PALD1: variants seen among roughly 807,000 people sequenced by gnomAD.
PALD1 encodes the protein paladin.
Under a neutral mutation model 96.0 loss-of-function variants are expected in PALD1, and 57 were observed. The observed-to-expected ratio is 0.59, with a 90% CI of 0.48 to 0.74. PALD1 has a LOEUF of 0.74. PALD1 is among the 30% of genes least tolerant of loss of function. The pLI is 0.00. For missense variants in PALD1, 1,063 were observed against 1,143.7 expected, an observed-to-expected ratio of 0.93 and a Z score of 1.02; for synonymous variants, 464 against 473.6, an observed-to-expected ratio of 0.98 and a Z score of 0.26.
chr10:70,517,240 G>A (rs796817304), intron 1 of PALD1, among the ~76,000 whole-genome samples: 5 of 152,166 alleles, frequency 3.3e-5, no homozygotes, highest in African/African-American at 9.7e-5. Context: ...AAGGTGTCAC[G>A]AGAGGAGAAC....
chr10:70,508,784 C>T (rs367593063), intron 1 of PALD1, among the ~76,000 whole-genome samples: 3 of 100,032 alleles, frequency 3.0e-5, no homozygotes, highest in Non-Finnish European at 6.2e-5. Flanking sequence ...CTCTGTATGG[C>T]GTGTGTGTGT....
chr10:70,483,780 A>C (rs191784791), intron 1 of PALD1, among the ~76,000 whole-genome samples: 12 of 152,304 alleles, frequency 7.9e-5, no homozygotes, highest in African/African-American at 2.9e-4. Context: ...GGAATGGAGA[A>C]TCTCCTGAAG....
chr10:70,488,909 C>A (rs549586171), intron 1 of PALD1, among the ~76,000 whole-genome samples: 12 of 151,012 alleles, frequency 7.9e-5, no homozygotes, highest in East Asian at 2.0e-4. Context: ...TATCCTCCTG[C>A]TGCTGGGGGT....
intron 18 of PALD1, among the ~76,000 whole-genome samples, chr10:70,555,902 G>A (rs577657719): frequency 6.6e-6 from 1 of 152,320 alleles, no homozygotes; most frequent in Non-Finnish European, 1.5e-5. Flanking sequence ...TTGGGAGGCT[G>A]AGGCAGGAGA....
the PALD1 span, among the ~76,000 whole-genome samples, chr10:70,461,886 T>C: frequency 1.3e-5 from 2 of 152,204 alleles, no homozygotes; most frequent in Admixed American, 1.3e-4. Flanking sequence ...TCAACCTCCC[T>C]GGCTCAAGCC....
intron 1 of PALD1, among the ~76,000 whole-genome samples, chr10:70,505,039 G>T (rs2132301441): frequency 6.6e-6 from 1 of 152,302 alleles, no homozygotes; most frequent in Middle Eastern, 3.4e-3. Flanking sequence ...GAAAATATTG[G>T]CCCTGTGTGT....
In PALD1 at chr10:70,494,899, C is replaced by G. The variant is rs145774334; in HGVS notation, c.-30+15840C>G. ...ACTGGCTTTCTTAAGCATGAAGCAG[C>G]ATTGGTTGCTGTATACAATGCAACA... On this transcript the variant is annotated intron_variant, in intron 1 of 19. Transcript: ENST00000263563. Among the ~76,000 whole-genome samples the G allele has an allele frequency of 2.0e-3, 301 of 152,316 alleles. 2 individuals are homozygous for G. Among genetic ancestry groups the G allele is most frequent in the African/African-American group, 6.8e-3 (283 of 41,578 alleles).
chr10:70,466,625 A>T, the PALD1 span, among the ~76,000 whole-genome samples: 3 of 152,224 alleles, frequency 2.0e-5, no homozygotes, highest in Non-Finnish European at 4.4e-5. Context: ...ATCCATCTCC[A>T]GAAGCTTTAC....
At chr10:70,505,603 TCAAAACAAAACAAAA>T (rs71472970) in intron 1 of PALD1, among the ~76,000 whole-genome samples, 5,665 of 149,952 alleles carry the variant, frequency 0.038, 226 homozygotes, top group African/African-American at 0.1. Context: ...AAACTCTGTC[TCAAAACAAAACAAAA>T]CAAAACAAAA....
chr10:70,552,273 G>A (rs1347483389), intron 18 of PALD1, among the ~76,000 whole-genome samples: 1 of 152,210 alleles, frequency 6.6e-6, no homozygotes, highest in Non-Finnish European at 1.5e-5. Flanking sequence ...TGCAGTGAGT[G>A]GAAGTACTGT....
intron 1 of PALD1, among the ~76,000 whole-genome samples, chr10:70,499,242 G>T (rs751223691): frequency 6.6e-6 from 1 of 152,148 alleles, no homozygotes; most frequent in Non-Finnish European, 1.5e-5. Flanking sequence ...CCCCAGCTCT[G>T]GCCCTTCCTT....
rs573617375 is a variant in PALD1 at position 70,515,298 on chromosome 10, A to C, written c.-29-10625A>C. 2.6e-5 allele frequency among the ~76,000 whole-genome samples: 4 copies of C among 152,370 alleles called. No homozygotes were observed. The South Asian group carries it at 8.3e-4, about 32-fold the overall frequency. ...GAGGACTTGTGCGAGGGCCCAGAAC[A>C]GAGCTGGGGCCTCCTGGTTCTTGAG... is the stretch of plus-strand genomic sequence containing the variant. On this transcript the variant is annotated intron_variant, in intron 1 of 19. Transcript: ENST00000263563.
chr10:70,533,240 G>C (rs1343522302), intron 7 of PALD1, among the ~76,000 whole-genome samples, 170 bp downstream of exon 7: 2 of 152,082 alleles, frequency 1.3e-5, no homozygotes, highest in Admixed American at 6.5e-5. Flanking sequence ...GTATATGTCT[G>C]TGTGTGTCAG....
chr10:70,523,368 C>T (rs982801822), intron 1 of PALD1, among the ~76,000 whole-genome samples: 3 of 152,156 alleles, frequency 2.0e-5, no homozygotes, highest in Non-Finnish European at 4.4e-5. Context: ...TCCTGCCCAT[C>T]CTCTCCCTCG....
chr10:70,498,795 G>C (rs994866213), intron 1 of PALD1, among the ~76,000 whole-genome samples: 4 of 152,088 alleles, frequency 2.6e-5, no homozygotes, highest in Admixed American at 1.3e-4. Context: ...AGACGTGGTA[G>C]CGCGTGCCTG....
chr10:70,467,025 G>A, the PALD1 span, among the ~76,000 whole-genome samples: 2 of 152,212 alleles, frequency 1.3e-5, no homozygotes, highest in Non-Finnish European at 2.9e-5. Context: ...TCAGAGACTT[G>A]AAGTGGGTGA....
chr10:70,539,991 T>C lies in PALD1; in HGVS notation c.1908+229T>C, dbSNP rs1372952739. Among the ~76,000 whole-genome samples the C allele has an allele frequency of 6.6e-6, 1 of 151,116 alleles. No individual in the cohort carries two copies. Among genetic ancestry groups the C allele is most frequent in the African/African-American group, 2.5e-5 (1 of 40,422 alleles). On this transcript the variant is annotated intron_variant, in intron 15 of 19. Coordinates refer to ENST00000263563, the MANE Select transcript of PALD1 (RefSeq NM_014431.3). This position sits in a 1 kb window ranked among gnomAD's most constrained non-coding sequence, Gnocchi z 4.5. The stretch of plus-strand genomic sequence containing the variant: ...TGTTATAGGGTATATGTGTGTGTAT[T>C]GTTATAGGTGTGTGTGTATTGGAGT...
intron 8 of PALD1, 26 bp from the exon 9 acceptor site, chr10:70,534,399 C>G (rs573067951): frequency 3.4e-4 from 525 of 1,532,724 alleles, no homozygotes; most frequent in Non-Finnish European, 4.5e-4. Context: ...GAAGAGCCTG[C>G]TAATGTACTG....
At chr10:70,505,494 C>T (rs1846368205) in intron 1 of PALD1, among the ~76,000 whole-genome samples, 1 of 151,562 alleles carries the variant, frequency 6.6e-6, no homozygotes, top group Admixed American at 6.6e-5. Context: ...ATTTCACCTA[C>T]TCGGAAGGCT....
Sources: gnomAD v4.1 joint callset for allele counts (sites outside exome capture counted in the v4.1 genomes callset) on GRCh38, gnomAD v4.1.1 for gene constraint, Gnocchi (gnomAD v3.1) non-coding constraint, MANE v1.5 for transcripts, NCBI Gene and HGNC (gene_info 2026-07-23, HGNC 2026-07-21) for gene names.